Variants in RGS6 observed in about 807,000 individuals in gnomAD.
RGS6 encodes regulator of G protein signaling 6.
In RGS6, 30 loss-of-function variants were observed where a neutral mutation model predicts 78.5. The ratio of observed to expected loss-of-function variants is 0.38; its 90% CI spans 0.29 to 0.52. The LOEUF (loss-of-function observed/expected upper bound fraction) is 0.52, where lower values mean the gene tolerates loss of function less well. RGS6 is among the 20% of genes least tolerant of loss of function. RGS6 has a pLI of 0.85. For synonymous variants in RGS6, 206 were observed against 206.0 expected (o/e 1.00, Z 0.00); for missense variants, 495 against 609.7 (o/e 0.81, Z 1.98).
At chr14:72,000,041 A>G (rs1393939837) in intron 2 of RGS6, among the ~76,000 whole-genome samples, 6 of 152,216 alleles carry the variant, frequency 3.9e-5, no homozygotes, top group Admixed American at 3.9e-4. Flanking sequence ...ATAAGACTGG[A>G]TCAGGGAGAA....
At chr14:72,539,998 TTTTCTGTA>T in intron 16 of RGS6, 35 bp from the exon 17 acceptor site, 1 of 1,509,064 alleles carries the variant, frequency 6.6e-7, no homozygotes, top group East Asian at 2.3e-5. Flanking sequence ...AAGATTTTTT[TTTTCTGTA>T]TTTTTCTCCC....
At chr14:72,344,414 T>G (rs2077594819) in intron 2 of RGS6, among the ~76,000 whole-genome samples, 1 of 152,188 alleles carries the variant, frequency 6.6e-6, no homozygotes, top group South Asian at 2.1e-4. Flanking sequence ...TGAACATTGT[T>G]GCTAAGGTTC....
At chr14:72,466,176 T>G (rs2095905959) in intron 7 of RGS6, among the ~76,000 whole-genome samples, 1 of 152,176 alleles carries the variant, frequency 6.6e-6, no homozygotes, top group African/African-American at 2.4e-5. Context: ...ATTAAATCCG[T>G]GGTGAGATAC....
At chr14:72,321,783 A>G (rs748148443) in intron 2 of RGS6, among the ~76,000 whole-genome samples, 35 of 152,184 alleles carry the variant, frequency 2.3e-4, no homozygotes, top group Admixed American at 1.1e-3. Flanking sequence ...AAAAGATGAC[A>G]TAGATGGCCT....
chr14:72,573,550 G>A, the RGS6 span, among the ~76,000 whole-genome samples: 2 of 152,212 alleles, frequency 1.3e-5, no homozygotes, highest in Non-Finnish European at 2.9e-5. Context: ...ATGCCCCTGT[G>A]TTTCCTTTGA....
At chr14:72,289,786 A>G (rs1465663655) in intron 2 of RGS6, among the ~76,000 whole-genome samples, 1 of 152,186 alleles carries the variant, frequency 6.6e-6, no homozygotes, top group East Asian at 1.9e-4. Context: ...CAAAACTTAA[A>G]TAGAGTACAT....
chr14:72,611,911 G>A, the RGS6 span, among the ~76,000 whole-genome samples: 5 of 152,190 alleles, frequency 3.3e-5, no homozygotes, highest in Middle Eastern at 6.8e-3. Flanking sequence ...GTGATGGCGC[G>A]ATACTTGACC....
At chr14:71,902,947 C>A in the RGS6 span, among the ~76,000 whole-genome samples, 1 of 152,216 alleles carries the variant, frequency 6.6e-6, no homozygotes, top group African/African-American at 2.4e-5. Flanking sequence ...AACCTGGGAT[C>A]AAATCTTTAC....
At chr14:72,028,677 C>T (rs900112256) in intron 2 of RGS6, among the ~76,000 whole-genome samples, 2 of 152,126 alleles carry the variant, frequency 1.3e-5, no homozygotes, top group African/African-American at 4.8e-5. Flanking sequence ...GTCTGTGCTC[C>T]GCTAGTGAGT....
chr14:72,296,997 C>T (rs2064974318), intron 2 of RGS6, among the ~76,000 whole-genome samples: 1 of 151,726 alleles, frequency 6.6e-6, no homozygotes, highest in South Asian at 2.1e-4. Flanking sequence ...TTCCACATGG[C>T]TATCTAGTCA....
the RGS6 span, chr14:72,629,532 C>T: frequency 9.7e-6 from 12 of 1,238,240 alleles, no homozygotes; most frequent in East Asian, 1.8e-4. Flanking sequence ...GCCCCAGGGG[C>T]CTAGTGACAA....
intron 3 of RGS6, among the ~76,000 whole-genome samples, chr14:72,422,007 A>C (rs140000258): frequency 0.01 from 1,598 of 152,306 alleles, 27 homozygotes; most frequent in African/African-American, 0.036. Context: ...TAATTGAATC[A>C]TGCGGGCAGG....
chr14:72,287,318 C>T (rs370229727), intron 2 of RGS6, among the ~76,000 whole-genome samples: 3 of 152,076 alleles, frequency 2.0e-5, no homozygotes, highest in South Asian at 2.1e-4. Context: ...CCTAATTGCT[C>T]GGATTAGGAC....
intron 2 of RGS6, among the ~76,000 whole-genome samples, chr14:72,291,259 T>C (rs1224081485): frequency 2.6e-5 from 4 of 152,004 alleles, no homozygotes; most frequent in African/African-American, 7.2e-5. Context: ...TCCATAGTTA[T>C]ATGTCCCTCA....
In RGS6 at chr14:72,158,520, G is replaced by A. The variant is rs143088234; in HGVS notation, c.85-193575G>A. 6.6e-3 allele frequency among the ~76,000 whole-genome samples: 1,006 copies of A among 152,074 alleles called. 31 individuals are homozygous for A. The highest frequency in any genetic ancestry group is 0.059 in the Admixed American group (896 of 15,270). On this transcript the variant is annotated intron_variant, in intron 2 of 17. Coordinates refer to ENST00000553525, the MANE Select transcript of RGS6 (RefSeq NM_001204424.2). ...TTCTCTTTTGGGGGCTTTACACTTA[G>A]GTAATTACAGGATATTTTAAGGGGT...
chr14:72,171,024 A>G (rs2097007076), intron 2 of RGS6, among the ~76,000 whole-genome samples: 1 of 152,240 alleles, frequency 6.6e-6, no homozygotes, highest in South Asian at 2.1e-4. Flanking sequence ...TAAGAAATCT[A>G]GGTAATTTTT....
intron 13 of RGS6, among the ~76,000 whole-genome samples, chr14:72,508,561 CCTTTTTT>C (rs2096838695): frequency 2.2e-5 from 2 of 92,650 alleles, no homozygotes; most frequent in African/African-American, 8.2e-5. Flanking sequence ...CACACAAGCT[CCTTTTTT>C]TTTTTTTTTT....
At chr14:72,556,061 A>G (rs530762532) in intron 17 of RGS6, among the ~76,000 whole-genome samples, 2 of 152,292 alleles carry the variant, frequency 1.3e-5, no homozygotes, top group South Asian at 4.2e-4. Flanking sequence ...TTTAATCCAG[A>G]TAGGAGAACT....
chr14:72,381,816 A>C (rs1022703497), intron 3 of RGS6, among the ~76,000 whole-genome samples: 6 of 152,124 alleles, frequency 3.9e-5, no homozygotes, highest in Non-Finnish European at 8.8e-5. Flanking sequence ...AATATCCACT[A>C]TGAGGAGTTA....
Sources: gnomAD v4.1 joint callset for allele counts (sites outside exome capture counted in the v4.1 genomes callset) on GRCh38, gnomAD v4.1.1 for gene constraint, MANE v1.5 for transcripts, NCBI Gene and HGNC (gene_info 2026-07-23, HGNC 2026-07-21) for gene names.